Variants in HSD17B2 observed in about 807,000 individuals in gnomAD.
The protein encoded by HSD17B2 is 17-beta-hydroxysteroid dehydrogenase type 2.
HSD17B2 carries 32 observed loss-of-function variants against 26.9 expected under a neutral mutation model. That is an observed-to-expected ratio of 1.19 (90% CI 0.90 to 1.60). The LOEUF (loss-of-function observed/expected upper bound fraction) is 1.60. Among genes scored for constraint, HSD17B2 ranks in the 40% most tolerant of loss-of-function variants. HSD17B2 has a pLI of 0.00. For missense variants in HSD17B2, 613 were observed against 468.6 expected (o/e 1.31, Z -2.85); for synonymous variants, 246 against 186.7 (o/e 1.32, Z -2.59).
At position 82,046,151 on chromosome 16, in the gene HSD17B2, T is replaced by A. The variant is rs1913921151; in HGVS notation, c.265+10462T>A. On this transcript the variant is annotated intron_variant, in intron 1 of 4. Coordinates refer to ENST00000199936, the MANE Select transcript of HSD17B2 (RefSeq NM_002153.3). ...CACAGCTCATGTTTTCAGTACCAAT[T>A]GCCTACTATGCACGCTCGAGATACA... Among the ~76,000 whole-genome samples, 3 of 152,218 alleles carry A rather than the reference T, an allele frequency of 2.0e-5. No individual in the cohort carries two copies. In the South Asian group the frequency reaches 6.2e-4, roughly 31 times the overall value.
chr16:82,045,086 G>A (rs1490752141), intron 1 of HSD17B2, among the ~76,000 whole-genome samples: 3 of 127,444 alleles, frequency 2.4e-5, no homozygotes, highest in Admixed American at 9.9e-5. Context: ...TCACACCACC[G>A]CACTCCAGCT....
intron 3 of HSD17B2, 55 bp from the exon 4 acceptor site, chr16:82,090,847 G>C: frequency 6.7e-7 from 1 of 1,497,056 alleles, no homozygotes; most frequent in Non-Finnish European, 9.0e-7. Flanking sequence ...ATATTTATTG[G>C]ATGAACAAAT....
intron 1 of HSD17B2, among the ~76,000 whole-genome samples, chr16:82,049,289 A>T (rs1002695716): frequency 6.6e-6 from 1 of 152,290 alleles, no homozygotes; most frequent in African/African-American, 2.4e-5. Flanking sequence ...ATGCCACTGA[A>T]CATTCTATAA....
chr16:82,042,202 G>T (rs913739456), intron 1 of HSD17B2, among the ~76,000 whole-genome samples: 2 of 151,940 alleles, frequency 1.3e-5, no homozygotes, highest in Admixed American at 1.3e-4. Flanking sequence ...AGGGGGTTAC[G>T]CCATTTTGAC....
chr16:82,085,416 T>C (rs796212397), intron 3 of HSD17B2, among the ~76,000 whole-genome samples: 5 of 152,310 alleles, frequency 3.3e-5, no homozygotes, highest in African/African-American at 7.2e-5. Flanking sequence ...AGAATGCAGA[T>C]ATTAATTAAT....
intron 3 of HSD17B2, among the ~76,000 whole-genome samples, chr16:82,072,676 C>T (rs913297193): frequency 1.3e-5 from 2 of 152,124 alleles, no homozygotes; most frequent in African/African-American, 4.8e-5. Context: ...TGGCATGCAC[C>T]AGCAGCTCAG....
intron 1 of HSD17B2, among the ~76,000 whole-genome samples, chr16:82,064,715 G>A (rs1914530443): frequency 6.6e-6 from 1 of 152,242 alleles, no homozygotes; most frequent in African/African-American, 2.4e-5. Context: ...ACATGGGGAA[G>A]AGAGCACTTG....
At chr16:82,059,660 G>A (rs1292391240) in intron 1 of HSD17B2, among the ~76,000 whole-genome samples, 2 of 152,128 alleles carry the variant, frequency 1.3e-5, no homozygotes, top group East Asian at 1.9e-4. Flanking sequence ...GAATGAATGA[G>A]GGAACAAAAG....
At chr16:82,071,393 C>G (rs1394844495) in intron 3 of HSD17B2, 3 of 506,352 alleles carry the variant, frequency 5.9e-6, no homozygotes, top group East Asian at 7.3e-5. Flanking sequence ...AATGTGACTG[C>G]CAACACACAT....
chr16:82,058,684 T>C (rs971835681), intron 1 of HSD17B2, among the ~76,000 whole-genome samples: 4 of 152,160 alleles, frequency 2.6e-5, no homozygotes, highest in African/African-American at 9.7e-5. Context: ...GGTGACCAGG[T>C]CTTAGTTGAA....
intron 3 of HSD17B2, among the ~76,000 whole-genome samples, chr16:82,077,220 G>T (rs1360641913): frequency 6.6e-6 from 1 of 152,138 alleles, no homozygotes; most frequent in Non-Finnish European, 1.5e-5. Flanking sequence ...GATATCCTGA[G>T]CAGAAAGAAC....
intron 1 of HSD17B2, among the ~76,000 whole-genome samples, chr16:82,049,054 G>T (rs1186921206): frequency 6.6e-6 from 1 of 152,152 alleles, no homozygotes; most frequent in African/African-American, 2.4e-5. Context: ...ATATGTTTCT[G>T]TTCAATTACA....
chr16:82,053,657 G>A (rs1914176138), intron 1 of HSD17B2, among the ~76,000 whole-genome samples: 1 of 152,148 alleles, frequency 6.6e-6, no homozygotes, highest in South Asian at 2.1e-4. Flanking sequence ...GGGGAGCAGA[G>A]AGAAGCTGAG....
chr16:82,061,309 T>G (rs1914432614), intron 1 of HSD17B2, among the ~76,000 whole-genome samples: 1 of 152,162 alleles, frequency 6.6e-6, no homozygotes, highest in Non-Finnish European at 1.5e-5. Context: ...GAGCAGTGGC[T>G]TTGTGCCAGA....
rs753283261 is a variant in HSD17B2, at chr16:82,071,000, T to G, written c.537T>G (p.Leu179=). The change falls in exon 3 of 5, where the codon CTT becomes CTG. Residue 179 remains leucine, a synonymous_variant. Coordinates refer to ENST00000199936, the MANE Select transcript of HSD17B2 (RefSeq NM_002153.3). ...TTGGCTTTCCAACTGATGGGGAGCT[T>G]CTTCTTATGACTGACTACAAACAAT... The part of the protein sequence containing the change: ...GVLGFPTDGE[L]LLMTDYKQCM... 4 of 1,614,188 alleles carry G rather than the reference T, an allele frequency of 2.5e-6. No homozygotes were observed. Among genetic ancestry groups the G allele is most frequent in the South Asian group, 1.1e-5 (1 of 91,078 alleles).
intron 3 of HSD17B2, among the ~76,000 whole-genome samples, chr16:82,084,910 C>T (rs1387789458): frequency 2.0e-5 from 3 of 152,142 alleles, no homozygotes; most frequent in African/African-American, 7.2e-5. Flanking sequence ...TTATTTTTGC[C>T]ATGGGGTCTC....
At chr16:82,097,361 A>ATATATATGTG (rs1567595584) in intron 4 of HSD17B2, 1 of 120,996 alleles carries the variant, frequency 8.3e-6, no homozygotes, top group Non-Finnish European at 1.9e-5. Context: ...ACACACACAC[A>ATATATATGTG]CACACACACA....
At chr16:82,087,638 C>A (rs796940301) in intron 3 of HSD17B2, among the ~76,000 whole-genome samples, 7 of 152,284 alleles carry the variant, frequency 4.6e-5, no homozygotes, top group African/African-American at 1.7e-4. Context: ...CTACTGTCAA[C>A]AAACTTCATA....
chr16:82,060,898 C>T (rs149319187), intron 1 of HSD17B2, among the ~76,000 whole-genome samples: 120 of 152,284 alleles, frequency 7.9e-4, no homozygotes, highest in African/African-American at 2.8e-3. Flanking sequence ...GATCTGAAAA[C>T]CTTTTTGGTT....
Sources: gnomAD v4.1 joint callset for allele counts (sites outside exome capture counted in the v4.1 genomes callset) on GRCh38, gnomAD v4.1.1 for gene constraint, MANE v1.5 for transcripts, NCBI Gene and HGNC (gene_info 2026-07-23, HGNC 2026-07-21) for gene names.